Variants in DKK3 observed in about 807,000 individuals in gnomAD.
DKK3 encodes the protein dickkopf Wnt signaling pathway inhibitor 3.
A neutral mutation model predicts 33.2 loss-of-function variants in DKK3; 22 were observed. The observed-to-expected ratio is 0.66, with a 90% confidence interval of 0.47 to 0.95. DKK3 has a LOEUF of 0.95. Among genes scored for constraint, DKK3 ranks in the 40% least tolerant of loss-of-function variants. The probability of loss-of-function intolerance (pLI) is 0.00; values close to 1 mark genes in which losing one functional copy is unlikely to be tolerated. For synonymous variants in DKK3, 194 were observed against 188.8 expected, an observed-to-expected ratio of 1.03 and a Z score of -0.23; for missense variants, 398 against 458.4, an observed-to-expected ratio of 0.87 and a Z score of 1.20.
intron 6 of DKK3, among the ~76,000 whole-genome samples, chr11:11,965,598 G>A (rs563769256): frequency 8.5e-5 from 13 of 152,276 alleles, no homozygotes; most frequent in African/African-American, 3.1e-4. Context: ...ATGAGCCCCA[G>A]ATCTGTGCCT....
rs1236657348 is a variant in DKK3 at position 11,975,470 on chromosome 11, G to A, written c.436-6983C>T. ...CATTTCCTGGCACCCTGGGGGTGGT[G>A]TGGTCATGCCAGGCCCTGAGTGCTC... On this transcript the variant is annotated intron_variant, in intron 3 of 6. Transcript: ENST00000683431. Among the ~76,000 whole-genome samples the A allele has an allele frequency of 3.3e-5, 5 of 152,236 alleles. No individual in the cohort carries two copies. In the East Asian group the frequency reaches 9.6e-4, roughly 29 times the overall value.
chr11:11,995,500 A>C (rs1486697138), intron 3 of DKK3, among the ~76,000 whole-genome samples: 1 of 152,168 alleles, frequency 6.6e-6, no homozygotes, highest in Non-Finnish European at 1.5e-5. Flanking sequence ...TCAAATTCTA[A>C]TGTGAAACCG....
intron 3 of DKK3, among the ~76,000 whole-genome samples, chr11:11,991,924 T>C (rs1173146661): frequency 6.6e-6 from 1 of 152,150 alleles, no homozygotes; most frequent in Non-Finnish European, 1.5e-5. Flanking sequence ...GCCCCCACAA[T>C]GCCCTGTGCA....
intron 3 of DKK3, chr11:11,980,040 T>C (rs10734190): frequency 0.89 from 136,107 of 152,266 alleles, 61,046 homozygotes; most frequent in East Asian, 1. Flanking sequence ...CCTGGAGCTC[T>C]GTGGCAGCTC....
chr11:11,990,198 C>A (rs1290246280), intron 3 of DKK3, among the ~76,000 whole-genome samples: 1 of 152,220 alleles, frequency 6.6e-6, no homozygotes, highest in Non-Finnish European at 1.5e-5. Flanking sequence ...CACACACCTG[C>A]ATGGAGGAGC....
intron 3 of DKK3, chr11:11,998,363 T>C (rs1241356082): frequency 1.5e-5 from 6 of 409,550 alleles, no homozygotes; most frequent in Non-Finnish European, 2.7e-5. Flanking sequence ...GCTCTGGGGA[T>C]TTCACCACCT....
intron 3 of DKK3, among the ~76,000 whole-genome samples, chr11:11,982,280 A>G (rs939792696): frequency 1.4e-4 from 15 of 107,450 alleles, no homozygotes; most frequent in Admixed American, 5.6e-4. Context: ...AAGCCCTCCT[A>G]GGGGAGATGA....
In DKK3 at chr11:12,008,359, G is replaced by A; in HGVS notation, c.213+11C>T. The A allele has an allele frequency of 1.2e-6, 2 of 1,600,492 alleles. No individual in the cohort carries two copies. The highest frequency in any genetic ancestry group is 1.3e-5 in the African/African-American group (1 of 74,694). On this transcript the variant is annotated intron_variant, in intron 1 of 6. Transcript: ENST00000683431. This position sits in a 1 kb window ranked among gnomAD's most constrained non-coding sequence, Gnocchi z 4.6. ...GCTTCTCAGAGCCCCGCGCCGCCAG[G>A]GCGCACCCACCTCTTCCACCGCGCT...
intron 3 of DKK3, among the ~76,000 whole-genome samples, chr11:11,969,414 G>A (rs896168560): frequency 3.3e-5 from 5 of 152,170 alleles, no homozygotes; most frequent in Non-Finnish European, 7.4e-5. Context: ...CTCCCAGCAG[G>A]AGGCAGGTAG....
intron 1 of DKK3, among the ~76,000 whole-genome samples, chr11:12,003,865 G>A (rs1014749352): frequency 1.3e-5 from 2 of 152,124 alleles, no homozygotes; most frequent in African/African-American, 4.8e-5. Flanking sequence ...AGGAGGATAA[G>A]AGGAAAGAAT....
intron 1 of DKK3, among the ~76,000 whole-genome samples, chr11:12,004,689 G>A (rs1158778724): frequency 6.6e-6 from 1 of 152,184 alleles, no homozygotes; most frequent in African/African-American, 2.4e-5. Context: ...GTCCTACTTT[G>A]TTGAGTAGAT....
chr11:11,990,350 A>C (rs927901690), intron 3 of DKK3, among the ~76,000 whole-genome samples: 1 of 152,254 alleles, frequency 6.6e-6, no homozygotes, highest in Non-Finnish European at 1.5e-5. Flanking sequence ...GCAAAAGCAA[A>C]GTGCTCCATT....
chr11:11,965,995 GC>G (rs769601596), intron 5 of DKK3, 30 bp from the exon 6 acceptor site: 2 of 1,593,874 alleles, frequency 1.3e-6, no homozygotes, highest in Non-Finnish European at 1.7e-6. Context: ...ACCCCTGTGT[GC>G]CCCGTGTAGG....
intron 3 of DKK3, among the ~76,000 whole-genome samples, chr11:11,984,233 T>C (rs1045389871): frequency 1.1e-4 from 16 of 152,210 alleles, no homozygotes; most frequent in African/African-American, 3.6e-4. Context: ...AGAAAAATGG[T>C]TGTGTTGAAG....
intron 3 of DKK3, chr11:11,978,880 C>T (rs913917192): frequency 4.6e-5 from 7 of 152,232 alleles, no homozygotes; most frequent in African/African-American, 1.7e-4. Context: ...TTCTATTTTA[C>T]AGATGAGGAA....
At chr11:11,969,265 G>C (rs1260029497) in intron 3 of DKK3, among the ~76,000 whole-genome samples, 1 of 152,242 alleles carries the variant, frequency 6.6e-6, no homozygotes, top group Non-Finnish European at 1.5e-5. Flanking sequence ...TGGACCTGCT[G>C]TCAGGCTCAG....
At chr11:11,982,006 G>T (rs566571184) in intron 3 of DKK3, among the ~76,000 whole-genome samples, 13 of 152,252 alleles carry the variant, frequency 8.5e-5, no homozygotes, top group Middle Eastern at 3.4e-3. Context: ...TGCTCCCCAT[G>T]GTCCTGGTTG....
intron 3 of DKK3, among the ~76,000 whole-genome samples, chr11:11,985,850 G>C (rs754547120): frequency 6.6e-6 from 1 of 152,212 alleles, no homozygotes; most frequent in South Asian, 2.1e-4. Flanking sequence ...AAAACCATGG[G>C]GATGCGGGGA....
upstream of DKK3, chr11:12,009,736 C>A: frequency 1.0e-6 from 1 of 985,620 alleles, no homozygotes; most frequent in Non-Finnish European, 1.2e-6. Flanking sequence ...CTTAGTCTGC[C>A]GTGATTGACA....
Sources: allele counts gnomAD v4.1 joint callset (sites outside exome capture counted in the v4.1 genomes callset), GRCh38; gene constraint gnomAD v4.1.1; non-coding constraint Gnocchi (gnomAD v3.1); transcripts MANE v1.5; gene names NCBI Gene and HGNC (gene_info 2026-07-23, HGNC 2026-07-21).